The following MECOM variants were observed in gnomAD, a reference collection of about 807,000 sequenced individuals.
The protein encoded by MECOM is MDS1 and EVI1 complex locus.
MECOM carries 13 observed loss-of-function variants against 116.3 expected under a neutral mutation model. The ratio of observed to expected loss-of-function variants is 0.11; its 90% CI spans 0.07 to 0.18. MECOM has a LOEUF of 0.18. MECOM is among the 10% of genes least tolerant of loss of function. The pLI, the probability that MECOM is intolerant of heterozygous loss-of-function variation, is 1.00. For synonymous variants in MECOM, 528 were observed against 535.2 expected (o/e 0.99, Z 0.19); for missense variants, 1,299 against 1,509.0 (o/e 0.86, Z 2.31).
intron 1 of MECOM, among the ~76,000 whole-genome samples, chr3:169,478,025 G>C (rs1477767885): frequency 6.6e-6 from 1 of 152,158 alleles, no homozygotes; most frequent in Non-Finnish European, 1.5e-5. Context: ...TATTTGTCAG[G>C]GAGGTCAACG....
chr3:169,357,596 C>T (rs1727482923), intron 2 of MECOM, among the ~76,000 whole-genome samples: 2 of 151,640 alleles, frequency 1.3e-5, no homozygotes, highest in South Asian at 4.2e-4. Flanking sequence ...AGACAAATGC[C>T]CTGCAAGGAC....
intron 1 of MECOM, among the ~76,000 whole-genome samples, chr3:169,647,689 C>T (rs1774357553): frequency 6.6e-6 from 1 of 152,118 alleles, no homozygotes; most frequent in African/African-American, 2.4e-5. Flanking sequence ...TCTAGAGTTT[C>T]TAATAAGAAA....
At chr3:169,207,569 G>GA (rs923827521) in intron 2 of MECOM, among the ~76,000 whole-genome samples, 1 of 152,108 alleles carries the variant, frequency 6.6e-6, no homozygotes, top group African/African-American at 2.4e-5. Flanking sequence ...CTTAAACCCT[G>GA]AAAAAACTAC....
At chr3:169,484,679 T>G (rs1190387542) in intron 1 of MECOM, among the ~76,000 whole-genome samples, 1 of 152,196 alleles carries the variant, frequency 6.6e-6, no homozygotes, top group Non-Finnish European at 1.5e-5. Flanking sequence ...ATAATGGAAA[T>G]AATAATTAAA....
chr3:169,219,139 T>G (rs867848803), intron 2 of MECOM, among the ~76,000 whole-genome samples: 1 of 152,176 alleles, frequency 6.6e-6, no homozygotes, highest in Non-Finnish European at 1.5e-5. Context: ...GAAAATAATT[T>G]CATAGACAGA....
At chr3:169,446,315 C>G (rs1744620540) in intron 1 of MECOM, among the ~76,000 whole-genome samples, 1 of 152,094 alleles carries the variant, frequency 6.6e-6, no homozygotes, top group Non-Finnish European at 1.5e-5. Context: ...TCCCTTGCTA[C>G]TCTCATGATA....
chr3:169,621,913 T>C (rs1448329945), intron 1 of MECOM, among the ~76,000 whole-genome samples: 2 of 151,990 alleles, frequency 1.3e-5, no homozygotes, highest in African/African-American at 4.8e-5. Context: ...ACAGGAGAGG[T>C]AAGGCAAAAC....
chr3:169,201,043 G>C (rs934977394), intron 2 of MECOM, among the ~76,000 whole-genome samples: 2 of 152,066 alleles, frequency 1.3e-5, no homozygotes, highest in African/African-American at 4.8e-5. Context: ...TAGATAGTGA[G>C]GTCTTTATTG....
At chr3:169,290,075 A>T (rs1268099097) in intron 2 of MECOM, among the ~76,000 whole-genome samples, 1 of 152,180 alleles carries the variant, frequency 6.6e-6, no homozygotes, top group Non-Finnish European at 1.5e-5. Flanking sequence ...CCTTAAGTAT[A>T]TCAGCCCCGA....
At chr3:169,301,232 T>A in intron 2 of MECOM, among the ~76,000 whole-genome samples, 1 of 152,228 alleles carries the variant, frequency 6.6e-6, no homozygotes, top group East Asian at 1.9e-4. Flanking sequence ...ATGTCTAACC[T>A]GAACAGACTT....
intron 2 of MECOM, among the ~76,000 whole-genome samples, chr3:169,281,891 A>G (rs1712125932): frequency 6.6e-6 from 1 of 152,218 alleles, no homozygotes; most frequent in Admixed American, 6.5e-5. Context: ...CAGAGAAAAT[A>G]TCAAAACTTT....
intron 1 of MECOM, among the ~76,000 whole-genome samples, chr3:169,644,633 C>T (rs752473125): frequency 2.0e-5 from 3 of 152,130 alleles, no homozygotes; most frequent in African/African-American, 7.2e-5. Flanking sequence ...AAAAACCTGG[C>T]TTTAATCTCT....
intron 2 of MECOM, among the ~76,000 whole-genome samples, chr3:169,321,367 C>A (rs1423581082): frequency 6.6e-6 from 1 of 152,032 alleles, no homozygotes; most frequent in East Asian, 1.9e-4. Context: ...CAGTGAAACC[C>A]AGTCTCTACT....
At position 169,142,302 on chromosome 3, in the gene MECOM, C is replaced by A. The variant is rs551800645; in HGVS notation, c.510+1396G>T. ...AGCTTCCATTGTCAATAAATATGAA[C>A]AGCAAACAATTATTATGATATGATT... On this transcript the variant is annotated intron_variant, in intron 3 of 16. Transcript: ENST00000651503. 3.8e-4 allele frequency among the ~76,000 whole-genome samples: 58 copies of A among 151,932 alleles called. 2 individuals carry two copies. Among genetic ancestry groups the A allele is most frequent in the Middle Eastern group, 3.4e-3 (1 of 294 alleles).
At chr3:169,408,093 T>C (rs1408244741) in intron 1 of MECOM, among the ~76,000 whole-genome samples, 7 of 152,276 alleles carry the variant, frequency 4.6e-5, no homozygotes, top group East Asian at 1.9e-4. Flanking sequence ...ACAGAATCTG[T>C]CTCCAAAAAC....
At chr3:169,595,341 C>G (rs186143926) in intron 1 of MECOM, among the ~76,000 whole-genome samples, 1 of 152,116 alleles carries the variant, frequency 6.6e-6, no homozygotes, top group Admixed American at 6.6e-5. Context: ...AATATATTAC[C>G]TCTATGCTTC....
intron 2 of MECOM, among the ~76,000 whole-genome samples, chr3:169,322,349 C>T (rs1026245793): frequency 2.0e-5 from 3 of 152,040 alleles, no homozygotes; most frequent in Non-Finnish European, 4.4e-5. Context: ...GGGCTAACAC[C>T]CAATTTTATT....
chr3:169,132,698 T>G (rs1735124308), intron 3 of MECOM, among the ~76,000 whole-genome samples: 1 of 152,028 alleles, frequency 6.6e-6, no homozygotes, highest in Admixed American at 6.6e-5. Flanking sequence ...CCAATAAGTC[T>G]TTTCTCCCAA....
chr3:169,156,453 T>TA (rs906209376), intron 2 of MECOM, among the ~76,000 whole-genome samples: 11 of 151,914 alleles, frequency 7.2e-5, no homozygotes, highest in South Asian at 2.1e-4. Flanking sequence ...CAACTCTTGA[T>TA]AAAAAAAAGT....
Sources: gnomAD v4.1 joint callset for allele counts (sites outside exome capture counted in the v4.1 genomes callset) on GRCh38, gnomAD v4.1.1 for gene constraint, MANE v1.5 for transcripts, NCBI Gene and HGNC (gene_info 2026-07-23, HGNC 2026-07-21) for gene names.